FAT3: variants seen among roughly 807,000 people sequenced by gnomAD.
FAT3 encodes FAT atypical cadherin 3.
Under a neutral mutation model 310.2 loss-of-function variants are expected in FAT3, and 95 were observed. The ratio of observed to expected loss-of-function variants is 0.31; its 90% CI spans 0.26 to 0.36. The LOEUF (loss-of-function observed/expected upper bound fraction) is 0.36, where lower values mean the gene tolerates loss of function less well. Ranked by LOEUF, FAT3 falls within the 10% of genes least tolerant of loss-of-function variation. The probability of loss-of-function intolerance (pLI) is 1.00; values close to 1 mark genes in which losing one functional copy is unlikely to be tolerated. For synonymous variants in FAT3, 2,314 were observed against 2,192.9 expected (o/e 1.06, Z -1.54); for missense variants, 5,408 against 5,715.6 (o/e 0.95, Z 1.74).
intron 1 of FAT3, among the ~76,000 whole-genome samples, chr11:92,291,086 C>CACACAA (rs1354390307): frequency 1.3e-5 from 2 of 150,760 alleles, no homozygotes; most frequent in Admixed American, 1.3e-4. Flanking sequence ...ATTCTACACA[C>CACACAA]ACACACACAC....
intron 9 of FAT3, among the ~76,000 whole-genome samples, chr11:92,795,395 A>C (rs1489747893): frequency 6.6e-6 from 1 of 152,136 alleles, no homozygotes; most frequent in Non-Finnish European, 1.5e-5. Context: ...CAATTGCCAA[A>C]AATCTACAAG....
intron 3 of FAT3, among the ~76,000 whole-genome samples, chr11:92,688,024 C>A (rs1405322132): frequency 6.6e-6 from 1 of 150,446 alleles, no homozygotes; most frequent in African/African-American, 2.4e-5. Context: ...GAGACCACAT[C>A]TCTACCAAAA....
At chr11:92,857,128 G>T (rs1948999965) in intron 19 of FAT3, 86 bp from the exon 20 acceptor site, 2 of 1,595,948 alleles carry the variant, frequency 1.3e-6, no homozygotes, top group Non-Finnish European at 8.6e-7. Flanking sequence ...CCATTTGTGT[G>T]TTCCCTTTGA....
intron 4 of FAT3, among the ~76,000 whole-genome samples, chr11:92,753,203 C>T (rs1294755290): frequency 6.6e-6 from 1 of 152,108 alleles, no homozygotes; most frequent in Non-Finnish European, 1.5e-5. Context: ...TGCCACTTTC[C>T]TTCAGGCCAG....
At chr11:92,670,948 A>G (rs1943109986) in intron 3 of FAT3, among the ~76,000 whole-genome samples, 1 of 152,056 alleles carries the variant, frequency 6.6e-6, no homozygotes. Flanking sequence ...TATAAAACTA[A>G]ATTTTTAAAA....
chr11:92,561,131 A>G (rs1353313290), intron 3 of FAT3, among the ~76,000 whole-genome samples: 1 of 152,192 alleles, frequency 6.6e-6, no homozygotes, highest in Non-Finnish European at 1.5e-5. Context: ...AGGCACTTGC[A>G]AGGAAAATTC....
At chr11:92,735,722 C>T (rs551861863) in intron 4 of FAT3, among the ~76,000 whole-genome samples, 6 of 151,528 alleles carry the variant, frequency 4.0e-5, no homozygotes, top group Admixed American at 2.6e-4. Context: ...ATTGGCTAAA[C>T]GTAAAACACT....
chr11:92,677,067 A>G (rs1337234913), intron 3 of FAT3, among the ~76,000 whole-genome samples: 2 of 152,346 alleles, frequency 1.3e-5, no homozygotes, highest in East Asian at 1.9e-4. Flanking sequence ...GGTTATTATT[A>G]TCCCTGTTAC....
intron 3 of FAT3, among the ~76,000 whole-genome samples, chr11:92,635,510 T>C (rs1299108262): frequency 2.0e-5 from 3 of 152,250 alleles, no homozygotes; most frequent in Non-Finnish European, 4.4e-5. Flanking sequence ...TCTTACGCAT[T>C]ATGTTTTAAT....
At position 92,799,269 on chromosome 11, in the gene FAT3, G is replaced by A. The variant is rs776999512; in HGVS notation, c.6256G>A (p.Gly2086Ser). The A allele has an allele frequency of 6.2e-7, 1 of 1,613,746 alleles. No homozygotes were observed. The highest frequency in any genetic ancestry group is 1.3e-5 in the African/African-American group (1 of 74,888). The change falls in exon 10 of 28, where the codon GGC (glycine) becomes AGC (serine). Residue 2086 changes from glycine to serine, a missense_variant. Coordinates refer to ENST00000525166, the MANE Select transcript of FAT3 (RefSeq NM_001367949.2). ...DINDNSPVFV[G>S]LPYYAAVQVD... ...AAATGACAATTCTCCAGTCTTTGTGGGCCTCCCATACTATGCTGCTGTTCA... is the reference window on the plus strand; with the variant it reads ...AAATGACAATTCTCCAGTCTTTGTGAGCCTCCCATACTATGCTGCTGTTCA...
At chr11:92,514,052 AT>A (rs1953395651) in intron 2 of FAT3, among the ~76,000 whole-genome samples, 1 of 152,166 alleles carries the variant, frequency 6.6e-6, no homozygotes, top group Non-Finnish European at 1.5e-5. Flanking sequence ...TTCCCCTTTC[AT>A]CTCAAATATT....
intron 1 of FAT3, among the ~76,000 whole-genome samples, chr11:92,262,237 T>C (rs1865589100): frequency 6.6e-6 from 1 of 152,158 alleles, no homozygotes; most frequent in Admixed American, 6.6e-5. Context: ...CCTTGATTGG[T>C]AATTACAGCT....
chr11:92,416,331 G>A (rs1429163655), intron 2 of FAT3, among the ~76,000 whole-genome samples: 1 of 150,300 alleles, frequency 6.7e-6, no homozygotes. Flanking sequence ...TTGCAGTGAG[G>A]CGAGATCGCT....
intron 2 of FAT3, among the ~76,000 whole-genome samples, chr11:92,488,125 G>A (rs980469265): frequency 4.6e-5 from 7 of 152,288 alleles, no homozygotes; most frequent in Middle Eastern, 3.4e-3. Context: ...GCCATGCTGA[G>A]CAAGCTCATG....
At chr11:92,831,309 A>T (rs1948241350) in intron 13 of FAT3, among the ~76,000 whole-genome samples, 1 of 152,310 alleles carries the variant, frequency 6.6e-6, no homozygotes, top group African/African-American at 2.4e-5. Context: ...TTTCTGTGCC[A>T]CATCTTTACC....
intron 1 of FAT3, among the ~76,000 whole-genome samples, chr11:92,264,068 C>G (rs1472985906): frequency 2.0e-5 from 3 of 152,144 alleles, no homozygotes; most frequent in African/African-American, 7.2e-5. Context: ...ATTGACCAAT[C>G]ACTGCCAACC....
intron 2 of FAT3, among the ~76,000 whole-genome samples, chr11:92,472,863 T>C (rs556553219): frequency 3.9e-5 from 6 of 152,328 alleles, no homozygotes; most frequent in African/African-American, 1.4e-4. Flanking sequence ...AGGCCTTTTA[T>C]GATCTAAGCC....
chr11:92,524,743 C>G lies in FAT3; in HGVS notation c.3402C>G (p.Val1134=), dbSNP rs773779917. ...TTCCACTCTACTCCACCATTGAGGT[C>G]TACATTGAAGTTGAAGATGTGAATG... ...GVVPLYSTIE[V]YIEVEDVNDN... Residue 1134 remains valine (V), a synonymous_variant, in exon 3 of 28, where the codon GTC becomes GTG. Transcript: ENST00000525166. The G allele has an allele frequency of 1.2e-6, 2 of 1,613,786 alleles. No individual in the cohort carries two copies. The highest frequency in any genetic ancestry group is 1.7e-6 in the Non-Finnish European group (2 of 1,179,816).
rs377605383 is a variant in FAT3, at chr11:92,354,734, A to C, written c.2622A>C (p.Thr874=). 1.1e-5 allele frequency: 17 copies of C among 1,613,810 alleles called. No homozygotes were observed. The highest frequency in any genetic ancestry group is 1.7e-5 in the Admixed American group (1 of 59,934). The change falls in exon 2 of 28, where the codon ACA becomes ACC. Residue 874 remains threonine, a synonymous_variant. Transcript: ENST00000525166. The part of the protein sequence containing the change: ...GEVTYSVLTD[T]QQFAINSSTG... Reference sequence around the variant, plus strand: ...TGACTTACTCAGTCTTGACAGATACACAGCAGTTTGCCATCAATAGCTCAA... The same window carrying C: ...TGACTTACTCAGTCTTGACAGATACCCAGCAGTTTGCCATCAATAGCTCAA...
Sources: allele counts gnomAD v4.1 joint callset (sites outside exome capture counted in the v4.1 genomes callset), GRCh38; gene constraint gnomAD v4.1.1; transcripts MANE v1.5; gene names NCBI Gene and HGNC (gene_info 2026-07-23, HGNC 2026-07-21).